Variants in ATRNL1 observed in about 807,000 individuals in gnomAD.
The protein encoded by ATRNL1 is attractin like 1.
ATRNL1 carries 95 observed loss-of-function variants against 182.7 expected under a neutral mutation model. That is an observed-to-expected ratio of 0.52 (90% CI 0.44 to 0.62). The LOEUF (loss-of-function observed/expected upper bound fraction) is 0.62, where lower values mean the gene tolerates loss of function less well. Ranked by LOEUF, ATRNL1 falls within the 20% of genes least tolerant of loss-of-function variation. The pLI, the probability that ATRNL1 is intolerant of heterozygous loss-of-function variation, is 0.00. For missense variants in ATRNL1, 1,471 were observed against 1,679.5 expected, an observed-to-expected ratio of 0.88 and a Z score of 2.17; for synonymous variants, 576 against 568.3, an observed-to-expected ratio of 1.01 and a Z score of -0.19.
chr10:115,856,428 C>CAAAAAAAAAAAAAAAAAAAAAATAAA (rs572743389), intron 28 of ATRNL1, among the ~76,000 whole-genome samples: 1 of 22,536 alleles, frequency 4.4e-5, no homozygotes, highest in African/African-American at 1.4e-4. Context: ...AGCTCCATCT[C>CAAAAAAAAAAAAAAAAAAAAAATAAA]AAAAAAAAAA....
chr10:115,677,895 A>G (rs1945918597), intron 26 of ATRNL1, among the ~76,000 whole-genome samples: 2 of 152,038 alleles, frequency 1.3e-5, no homozygotes, highest in South Asian at 4.1e-4. Flanking sequence ...GGTGCTATCT[A>G]TAGCCTGGGG....
chr10:115,443,615 C>T (rs956527224), intron 21 of ATRNL1, among the ~76,000 whole-genome samples: 22 of 151,840 alleles, frequency 1.4e-4, no homozygotes, highest in Non-Finnish European at 2.8e-4. Context: ...TTTTAGCATT[C>T]TGTAACTTTT....
At chr10:115,207,848 G>T (rs971723448) in intron 8 of ATRNL1, among the ~76,000 whole-genome samples, 2 of 151,632 alleles carry the variant, frequency 1.3e-5, no homozygotes, top group African/African-American at 4.8e-5. Flanking sequence ...CCCCCATCCC[G>T]ATCTTGTGTG....
intron 28 of ATRNL1, among the ~76,000 whole-genome samples, chr10:115,913,857 G>C (rs946909973): frequency 6.6e-6 from 1 of 152,160 alleles, no homozygotes; most frequent in Admixed American, 6.5e-5. Context: ...TGTAGGTTTT[G>C]GGAATAGGTA....
At chr10:115,503,596 A>T (rs782259430) in intron 24 of ATRNL1, among the ~76,000 whole-genome samples, 3 of 152,152 alleles carry the variant, frequency 2.0e-5, no homozygotes, top group Non-Finnish European at 4.4e-5. Context: ...CCAATTATGT[A>T]GTGTATGAGT....
At chr10:115,589,285 G>A (rs1565192874) in intron 26 of ATRNL1, among the ~76,000 whole-genome samples, 1 of 152,028 alleles carries the variant, frequency 6.6e-6, no homozygotes, top group Non-Finnish European at 1.5e-5. Context: ...TAAAGCTGGA[G>A]GAATATTTAA....
intron 20 of ATRNL1, among the ~76,000 whole-genome samples, chr10:115,399,940 G>A (rs1554956557): frequency 1.3e-5 from 2 of 151,894 alleles, no homozygotes; most frequent in African/African-American, 2.4e-5. Context: ...TTGGCAAATG[G>A]GATCTAATTA....
At chr10:115,310,506 C>T (rs1021948350) in intron 17 of ATRNL1, among the ~76,000 whole-genome samples, 13 of 151,918 alleles carry the variant, frequency 8.6e-5, no homozygotes, top group Non-Finnish European at 1.8e-4. Context: ...GATTCAGTCC[C>T]GCTGCTTGTT....
At chr10:115,622,796 G>A (rs1402235768) in intron 26 of ATRNL1, among the ~76,000 whole-genome samples, 1 of 151,958 alleles carries the variant, frequency 6.6e-6, no homozygotes, top group African/African-American at 2.4e-5. Flanking sequence ...GCAAGGTGGC[G>A]GGCGCCTGTA....
chr10:115,852,643 G>T lies in ATRNL1; in HGVS notation c.4018+4652G>T, dbSNP rs80006644. On this transcript the variant is annotated intron_variant, in intron 28 of 28. Coordinates refer to ENST00000355044, the MANE Select transcript of ATRNL1 (RefSeq NM_207303.4). ...CCAGAATTCAAACCCAGGGCCACTG[G>T]CTCCTCAGCCAGTGTGACTCTCCCT... Among the ~76,000 whole-genome samples, 787 of 152,258 alleles carry T rather than the reference G, an allele frequency of 5.2e-3. 3 individuals carry two copies. Among genetic ancestry groups the T allele is most frequent in the Middle Eastern group, 0.01 (3 of 294 alleles).
At chr10:115,891,570 C>T (rs2615870) in intron 28 of ATRNL1, among the ~76,000 whole-genome samples, 94,353 of 152,006 alleles carry the variant, frequency 0.62, 33,868 homozygotes, top group East Asian at 0.95. Context: ...CGTGAATCTT[C>T]TGTCAGTTAC....
At chr10:115,503,484 C>T (rs542574933) in intron 24 of ATRNL1, among the ~76,000 whole-genome samples, 28 of 152,024 alleles carry the variant, frequency 1.8e-4, no homozygotes, top group Middle Eastern at 3.4e-3. Context: ...AAACCTAAAA[C>T]GGTGAGATGC....
chr10:115,627,651 T>A (rs549398652), intron 26 of ATRNL1, among the ~76,000 whole-genome samples: 1 of 152,208 alleles, frequency 6.6e-6, no homozygotes, highest in Admixed American at 6.5e-5. Context: ...AGGCATGAGC[T>A]ACTGCACCCC....
intron 27 of ATRNL1, among the ~76,000 whole-genome samples, chr10:115,805,551 G>T (rs1314630608): frequency 4.0e-5 from 6 of 151,862 alleles, no homozygotes; most frequent in Non-Finnish European, 2.9e-5. Context: ...TCACCTACTT[G>T]ACTCTGTTAT....
intron 27 of ATRNL1, among the ~76,000 whole-genome samples, chr10:115,803,661 C>T (rs1949851397): frequency 6.6e-6 from 1 of 151,640 alleles, no homozygotes; most frequent in South Asian, 2.1e-4. Context: ...CGGTACATTC[C>T]TTACTACAGA....
intron 19 of ATRNL1, among the ~76,000 whole-genome samples, chr10:115,373,172 CTGTT>C (rs1270010514): frequency 3.3e-5 from 5 of 151,822 alleles, no homozygotes; most frequent in African/African-American, 1.2e-4. Flanking sequence ...AGATAGTTCA[CTGTT>C]AGTGTATAGA....
intron 27 of ATRNL1, among the ~76,000 whole-genome samples, chr10:115,795,390 C>T (rs781934198): frequency 3.3e-5 from 5 of 152,034 alleles, no homozygotes; most frequent in Non-Finnish European, 4.4e-5. Context: ...TTCCATTATC[C>T]TTAATGTATT....
At chr10:115,753,483 T>A (rs1776629019) in intron 27 of ATRNL1, among the ~76,000 whole-genome samples, 1 of 152,176 alleles carries the variant, frequency 6.6e-6, no homozygotes. Flanking sequence ...GCTTCATCCA[T>A]GTCCCTGCAA....
intron 27 of ATRNL1, among the ~76,000 whole-genome samples, chr10:115,771,677 C>T (rs980121801): frequency 7.9e-5 from 12 of 152,230 alleles, no homozygotes; most frequent in African/African-American, 1.9e-4. Flanking sequence ...TCCTTGAGAA[C>T]GCTTTCAGGA....
Sources: gnomAD v4.1 joint callset for allele counts (sites outside exome capture counted in the v4.1 genomes callset) on GRCh38, gnomAD v4.1.1 for gene constraint, MANE v1.5 for transcripts, NCBI Gene and HGNC (gene_info 2026-07-23, HGNC 2026-07-21) for gene names.